NFKB1: variants seen among roughly 807,000 people sequenced by gnomAD.
The protein encoded by NFKB1 is nuclear factor NF-kappa-B p105 subunit.
A neutral mutation model predicts 105.1 loss-of-function variants in NFKB1; 9 were observed. That is an observed-to-expected ratio of 0.09 (90% CI 0.05 to 0.15). NFKB1 has a LOEUF of 0.15. NFKB1 is among the 10% of genes least tolerant of loss of function. The probability of loss-of-function intolerance (pLI) is 1.00; values close to 1 mark genes in which losing one functional copy is unlikely to be tolerated. For missense variants in NFKB1, 830 were observed against 1,203.7 expected (o/e 0.69, Z 4.59); for synonymous variants, 440 against 442.2 (o/e 1.00, Z 0.06).
chr4:102,519,190 A>C (rs1740402300), intron 1 of NFKB1, among the ~76,000 whole-genome samples: 1 of 151,260 alleles, frequency 6.6e-6, no homozygotes, highest in African/African-American at 2.4e-5. Flanking sequence ...GAAAACATTC[A>C]GGTAGTATTT....
At chr4:102,542,001 T>G (rs1742027016) in intron 5 of NFKB1, among the ~76,000 whole-genome samples, 1 of 152,106 alleles carries the variant, frequency 6.6e-6, no homozygotes, top group South Asian at 2.1e-4. Context: ...CTTGAAAGAT[T>G]TGGGGCCTGG....
chr4:102,615,509 A>G (rs759913966), intron 23 of NFKB1, among the ~76,000 whole-genome samples: 2 of 152,228 alleles, frequency 1.3e-5, no homozygotes, highest in Non-Finnish European at 2.9e-5. Context: ...GAAAGGAATA[A>G]TGTATCCGCC....
At chr4:102,545,711 C>T (rs1278603738) in intron 5 of NFKB1, among the ~76,000 whole-genome samples, 1 of 152,144 alleles carries the variant, frequency 6.6e-6, no homozygotes, top group Non-Finnish European at 1.5e-5. Context: ...GTTTCAACCA[C>T]AGAGACGCCT....
chr4:102,579,358 A>G (rs1054644232), intron 8 of NFKB1, among the ~76,000 whole-genome samples: 1 of 152,128 alleles, frequency 6.6e-6, no homozygotes, highest in African/African-American at 2.4e-5. Flanking sequence ...TTTAGAAGGG[A>G]GAATAATCCC....
intron 5 of NFKB1, among the ~76,000 whole-genome samples, chr4:102,551,821 A>G (rs945668777): frequency 6.6e-6 from 1 of 152,194 alleles, no homozygotes; most frequent in African/African-American, 2.4e-5. Context: ...ACAACAAACA[A>G]TTTGAATTCA....
intron 1 of NFKB1, among the ~76,000 whole-genome samples, chr4:102,519,282 A>G (rs1165660528): frequency 2.0e-5 from 3 of 147,988 alleles, no homozygotes; most frequent in African/African-American, 7.4e-5. Context: ...TATAGTTTTC[A>G]TATATAAGTA....
At chr4:102,550,460 A>C (rs534257816) in intron 5 of NFKB1, among the ~76,000 whole-genome samples, 1 of 152,212 alleles carries the variant, frequency 6.6e-6, no homozygotes, top group Admixed American at 6.5e-5. Context: ...TCTAATTCCA[A>C]TCCAACACTG....
chr4:102,578,825 T>G, intron 7 of NFKB1, 56 bp from the exon 8 acceptor site: 2 of 1,546,388 alleles, frequency 1.3e-6, no homozygotes, highest in Non-Finnish European at 1.8e-6. Flanking sequence ...AAAAGCATGG[T>G]CTTTTAAATG....
rs368521016 is a variant in NFKB1, at chr4:102,580,647, C to T, written c.835+8C>T. The T allele has an allele frequency of 5.0e-6, 8 of 1,600,632 alleles. No individual in the cohort carries two copies. Among genetic ancestry groups the T allele is most frequent in the Non-Finnish European group, 6.0e-6 (7 of 1,167,942 alleles). ...GTGACAAAGTTCAGAAAGGTAAATA[C>T]ATTCTGTGATCTCTGATCTCAAGAG... On this transcript the variant is annotated splice_region_variant and intron_variant, in intron 9 of 23. Coordinates refer to ENST00000226574, the MANE Select transcript of NFKB1 (RefSeq NM_003998.4).
At chr4:102,561,277 T>TGTGTGTG (rs1251118302) in intron 5 of NFKB1, among the ~76,000 whole-genome samples, 1 of 116,032 alleles carries the variant, frequency 8.6e-6, no homozygotes, top group Admixed American at 8.3e-5. Context: ...TTTTTTTTTT[T>TGTGTGTG]TTTTTGTGTG....
Position 102,597,513 on chromosome 4 carries a change from C to T in NFKB1, c.1496-7C>T. 2 of 1,607,672 alleles carry T rather than the reference C, an allele frequency of 1.2e-6. No individual in the cohort carries two copies. Among genetic ancestry groups the T allele is most frequent in the African/African-American group, 2.7e-5 (2 of 74,978 alleles). On this transcript the variant is annotated splice_polypyrimidine_tract_variant and splice_region_variant and intron_variant, in intron 14 of 23. Transcript: ENST00000226574. ...ACTCAACTATGATTGTGGTCATTGC[C>T]TTACAGATAACCTCTTTCTAGAGAA...
intron 5 of NFKB1, among the ~76,000 whole-genome samples, chr4:102,557,787 C>T (rs1182169307): frequency 6.6e-6 from 1 of 152,148 alleles, no homozygotes; most frequent in East Asian, 1.9e-4. Context: ...GAGGGAAGAA[C>T]TGCTGCCTTA....
intron 5 of NFKB1, among the ~76,000 whole-genome samples, chr4:102,565,783 G>T (rs933034174): frequency 2.0e-5 from 3 of 151,474 alleles, no homozygotes; most frequent in African/African-American, 4.9e-5. Context: ...TGGGCTGCTT[G>T]TACAGATTTA....
chr4:102,575,600 G>A (rs1007788238), intron 6 of NFKB1, among the ~76,000 whole-genome samples: 4 of 152,076 alleles, frequency 2.6e-5, no homozygotes, highest in African/African-American at 9.7e-5. Flanking sequence ...TGGTCCTACC[G>A]CAGGAATTTT....
intron 1 of NFKB1, chr4:102,510,920 A>T (rs539840824): frequency 7.8e-7 from 1 of 1,284,894 alleles, no homozygotes; most frequent in Admixed American, 2.3e-5. Context: ...AGACAGAAGC[A>T]TATCTTGGAG....
rs1262122468 is a variant in NFKB1 at position 102,606,486 on chromosome 4, C to G, written c.1753-10C>G. On this transcript the variant is annotated splice_polypyrimidine_tract_variant and intron_variant, in intron 16 of 23. Transcript: ENST00000226574. ...CTGACCAGTGAATCTCCTGCCCTTT[C>G]ACTTTCCAGACGCCCTTGCACTTGG... 6.2e-7 allele frequency: 1 copy of G among 1,613,560 alleles called. No individual in the cohort carries two copies. The highest frequency in any genetic ancestry group is 8.5e-7 in the Non-Finnish European group (1 of 1,179,836).
chr4:102,616,300 T>A lies in NFKB1; in HGVS notation c.2750-134T>A. ...CTGCCCTTCCCACCACGGTGAGCAG[T>A]CATGACAGTGAGGGTGGCATAGGTG... On this transcript the variant is annotated intron_variant, in intron 23 of 23. Coordinates refer to ENST00000226574, the MANE Select transcript of NFKB1 (RefSeq NM_003998.4). 4.5e-6 allele frequency: 4 copies of A among 886,378 alleles called. No homozygotes were observed. In the South Asian group the frequency reaches 6.4e-5, roughly 14 times the overall value. 54.9% of individuals were successfully genotyped at this position (886,378 alleles called of 1,614,324 possible).
chr4:102,565,831 C>G lies in NFKB1; in HGVS notation c.259-1156C>G, dbSNP rs115614971. On this transcript the variant is annotated intron_variant, in intron 5 of 23. Transcript: ENST00000226574. ...TACTGCGTAGTTGAGAGATTTGGGGCTTAGGTTATTCAGTTCTTCAAAAAG... is the reference window on the plus strand; with the variant it reads ...TACTGCGTAGTTGAGAGATTTGGGGGTTAGGTTATTCAGTTCTTCAAAAAG... Among the ~76,000 whole-genome samples the G allele has an allele frequency of 9.6e-3, 1,463 of 152,230 alleles. 15 individuals are homozygous for G. The highest frequency in any genetic ancestry group is 0.021 in the South Asian group (101 of 4,820).
intron 5 of NFKB1, among the ~76,000 whole-genome samples, chr4:102,557,908 G>A (rs1339745977): frequency 1.3e-5 from 2 of 152,100 alleles, no homozygotes; most frequent in Non-Finnish European, 2.9e-5. Context: ...TGTAGGGCCA[G>A]TGCAGCAACC....
Sources: gnomAD v4.1 joint callset for allele counts (sites outside exome capture counted in the v4.1 genomes callset) on GRCh38, gnomAD v4.1.1 for gene constraint, MANE v1.5 for transcripts, NCBI Gene and HGNC (gene_info 2026-07-23, HGNC 2026-07-21) for gene names.